Variants in TAF2 observed in about 807,000 individuals in gnomAD.
TAF2 encodes the protein TATA-box binding protein associated factor 2.
Under a neutral mutation model 138.5 loss-of-function variants are expected in TAF2, and 61 were observed. The observed-to-expected ratio is 0.44, with a 90% confidence interval of 0.36 to 0.54. The LOEUF (loss-of-function observed/expected upper bound fraction) is 0.54. TAF2 is among the 20% of genes least tolerant of loss of function. TAF2 has a pLI of 0.00. For missense variants in TAF2, 1,090 were observed against 1,427.9 expected (o/e 0.76, Z 3.81); for synonymous variants, 475 against 469.9 (o/e 1.01, Z -0.14).
chr8:119,750,139 G>C (rs1194003722), intron 22 of TAF2, among the ~76,000 whole-genome samples: 2 of 152,130 alleles, frequency 1.3e-5, no homozygotes, highest in Admixed American at 1.3e-4. Flanking sequence ...TCAGGAGATC[G>C]AGACCATCCT....
intron 25 of TAF2, among the ~76,000 whole-genome samples, chr8:119,735,623 A>G (rs925740455): frequency 1.3e-5 from 2 of 152,178 alleles, no homozygotes; most frequent in Non-Finnish European, 2.9e-5. Context: ...CAACACTAAT[A>G]CTCAAGTAAA....
chr8:119,742,672 A>C lies in TAF2; in HGVS notation c.3215-16T>G. The C allele has an allele frequency of 2.5e-6, 4 of 1,613,380 alleles. No homozygotes were observed. Among genetic ancestry groups the C allele is most frequent in the Non-Finnish European group, 3.4e-6 (4 of 1,179,642 alleles). On this transcript the variant is annotated splice_polypyrimidine_tract_variant and intron_variant, in intron 24 of 25. Transcript: ENST00000378164. Reference sequence around the variant, plus strand: ...TTCGAGAGCCCTAAAATGCCAAACAAGAGAAAAAAGAGGGATTTATTTCTT... The same window carrying C: ...TTCGAGAGCCCTAAAATGCCAAACACGAGAAAAAAGAGGGATTTATTTCTT...
intron 3 of TAF2, among the ~76,000 whole-genome samples, chr8:119,809,928 T>C (rs1344749963): frequency 6.7e-6 from 1 of 149,926 alleles, no homozygotes; most frequent in Non-Finnish European, 1.5e-5. Context: ...ACATGAAATG[T>C]GCATGTGTTG....
intron 18 of TAF2, among the ~76,000 whole-genome samples, chr8:119,771,312 T>C (rs1255113520): frequency 2.0e-5 from 3 of 151,908 alleles, no homozygotes; most frequent in Non-Finnish European, 4.4e-5. Flanking sequence ...CTCGGCTCAC[T>C]GCAACCTCCC....
At chr8:119,820,565 CA>C (rs1825750306) in intron 2 of TAF2, among the ~76,000 whole-genome samples, 1 of 151,914 alleles carries the variant, frequency 6.6e-6, no homozygotes, top group South Asian at 2.1e-4. Flanking sequence ...ATAAGAAAGG[CA>C]AAAAAAGTAG....
intron 14 of TAF2, 129 bp from the exon 15 acceptor site, chr8:119,785,395 C>A: frequency 1.5e-6 from 1 of 652,696 alleles, no homozygotes. Context: ...AAATGGCTAT[C>A]AAATGTAATA....
In TAF2 at chr8:119,777,985, T is replaced by C. The variant is rs755747865; in HGVS notation, c.2364+34A>G. 1.2e-5 allele frequency: 13 copies of C among 1,129,960 alleles called. No homozygotes were observed. In the Admixed American group the frequency reaches 2.4e-4, roughly 21 times the overall value. 70.0% of individuals were successfully genotyped at this position (1,129,960 alleles called of 1,614,324 possible). On this transcript the variant is annotated intron_variant, in intron 18 of 25. Transcript: ENST00000378164. ...CATTAAGAAAATTATCTAAGACAAC[T>C]GTTGTAGAAGATTTAAAAATAAAAG...
chr8:119,832,755 C>G lies in TAF2; in HGVS notation c.-191G>C. The G allele has an allele frequency of 2.0e-6, 1 of 511,320 alleles. No homozygotes were observed. Among genetic ancestry groups the G allele is most frequent in the South Asian group, 3.1e-5 (1 of 32,642 alleles). The allele number at this position is 511,320 out of a possible 1,614,324, so 31.7% of individuals were successfully genotyped here. On this transcript the variant is annotated 5_prime_UTR_variant, in exon 1 of 26. Coordinates refer to ENST00000378164, the MANE Select transcript of TAF2 (RefSeq NM_003184.4). ...CGCTCCTTCGACTAGCTCCTAGAAG[C>G]CGCCGTCGACAAGCTTCTGTCACAG...
At chr8:119,738,102 A>G (rs570435256) in intron 25 of TAF2, among the ~76,000 whole-genome samples, 7 of 151,772 alleles carry the variant, frequency 4.6e-5, no homozygotes, top group Admixed American at 4.6e-4. Context: ...ATACAGTTGT[A>G]TATATATAGT....
intron 23 of TAF2, chr8:119,744,758 G>A: frequency 5.3e-6 from 2 of 376,644 alleles, no homozygotes; most frequent in South Asian, 2.1e-5. Context: ...GGACCTTTGA[G>A]TTTTATAATG....
chr8:119,795,674 A>C (rs766464826), intron 8 of TAF2, 43 bp from the exon 9 acceptor site: 1 of 1,522,202 alleles, frequency 6.6e-7, no homozygotes, highest in South Asian at 1.1e-5. Context: ...AATCATAAAA[A>C]CTCCTCAGAT....
At chr8:119,815,464 C>T (rs374624848) in intron 3 of TAF2, among the ~76,000 whole-genome samples, 11 of 151,720 alleles carry the variant, frequency 7.3e-5, no homozygotes, top group African/African-American at 2.7e-4. Flanking sequence ...TTAGTAGAGA[C>T]GGGATTTCAC....
intron 25 of TAF2, among the ~76,000 whole-genome samples, chr8:119,733,031 T>C (rs1587630508): frequency 1.3e-5 from 2 of 152,036 alleles, no homozygotes; most frequent in South Asian, 2.1e-4. Context: ...AACCTGCATA[T>C]AGATAGAAGA....
chr8:119,789,624 G>T lies in TAF2; in HGVS notation c.1536C>A (p.Gly512=). Residue 512 remains glycine, a synonymous_variant, in exon 12 of 26, where the codon GGC becomes GGA. Transcript: ENST00000378164. The stretch of plus-strand genomic sequence containing the variant: ...GCTTTATTAACGGCTGAATATCTTT[G>T]CCAGAGACATTTGAAATGGATTTCA... The part of the protein sequence containing the change: ...GFLKSISNVS[G]KDIQPLIKQW... 1 of 1,613,644 alleles carries T rather than the reference G, an allele frequency of 6.2e-7. No homozygotes were observed. The highest frequency in any genetic ancestry group is 8.5e-7 in the Non-Finnish European group (1 of 1,179,916).
intron 25 of TAF2, among the ~76,000 whole-genome samples, chr8:119,735,997 G>A (rs187976590): frequency 2.6e-5 from 4 of 152,238 alleles, no homozygotes; most frequent in Admixed American, 2.6e-4. Flanking sequence ...GGAGCTTGAG[G>A]TTCTCTTCTG....
chr8:119,794,008 G>A (rs1432458999), intron 9 of TAF2, among the ~76,000 whole-genome samples: 1 of 151,946 alleles, frequency 6.6e-6, no homozygotes, highest in Non-Finnish European at 1.5e-5. Flanking sequence ...GCTTACTGCA[G>A]CCTTGACTTC....
intron 8 of TAF2, 96 bp downstream of exon 8, chr8:119,796,894 T>C: frequency 3.6e-6 from 3 of 835,482 alleles, no homozygotes; most frequent in Middle Eastern, 2.2e-4. Flanking sequence ...AAATTAGCTA[T>C]CTGCAATTAG....
Position 119,744,490 on chromosome 8 carries a change from G to A in TAF2, c.3109-97C>T, listed in dbSNP as rs565945147. 13 of 945,732 alleles carry A rather than the reference G, an allele frequency of 1.4e-5. No homozygotes were observed. The South Asian group carries it at 1.4e-4, about 10-fold the overall frequency. 58.6% of individuals were successfully genotyped at this position (945,732 alleles called of 1,614,324 possible). A position where few individuals can be genotyped will look rare whatever the true frequency, so the allele number is the denominator to read the frequency against. Reference sequence around the variant, plus strand: ...AGGAAAAGTAGCAGAGAGGCCATAGGATATACCCCCATATAATCTTAAAAT... The same window carrying A: ...AGGAAAAGTAGCAGAGAGGCCATAGAATATACCCCCATATAATCTTAAAAT... On this transcript the variant is annotated intron_variant, in intron 23 of 25. Coordinates refer to ENST00000378164, the MANE Select transcript of TAF2 (RefSeq NM_003184.4).
At chr8:119,755,930 T>C (rs1210196582) in intron 22 of TAF2, 76 bp downstream of exon 22, 2 of 1,169,032 alleles carry the variant, frequency 1.7e-6, no homozygotes, top group Non-Finnish European at 2.5e-6. Context: ...TTCTAAATGC[T>C]ATTGAATTGA....
Sources: allele counts gnomAD v4.1 joint callset (sites outside exome capture counted in the v4.1 genomes callset), GRCh38; gene constraint gnomAD v4.1.1; transcripts MANE v1.5; gene names NCBI Gene and HGNC (gene_info 2026-07-23, HGNC 2026-07-21).